TBXAS1: variants seen among roughly 807,000 people sequenced by gnomAD.
TBXAS1 encodes thromboxane-A synthase.
TBXAS1 carries 48 observed loss-of-function variants against 60.7 expected under a neutral mutation model. That is an observed-to-expected ratio of 0.79 (90% confidence interval 0.63 to 1.01). TBXAS1 has a LOEUF of 1.01. TBXAS1 is among the 50% of genes least tolerant of loss of function. TBXAS1 has a pLI of 0.00. For missense variants in TBXAS1, 685 were observed against 686.3 expected, an observed-to-expected ratio of 1.00 and a Z score of 0.02; for synonymous variants, 287 against 269.7, an observed-to-expected ratio of 1.06 and a Z score of -0.63.
chr7:139,828,753 C>A (rs1453028263), upstream of TBXAS1, among the ~76,000 whole-genome samples: 2 of 152,112 alleles, frequency 1.3e-5, no homozygotes, highest in African/African-American at 4.8e-5. Context: ...GAACACTGAC[C>A]CCAATCGGGA....
At position 139,778,556 on chromosome 7, in the gene TBXAS1, A is replaced by G. The variant is rs1264237431; in HGVS notation, c.-318+85A>G. The G allele has an allele frequency of 2.0e-5, 3 of 152,270 alleles. No homozygotes were observed. 9.4% of individuals were successfully genotyped at this position (152,270 alleles called of 1,614,324 possible). A position where few individuals can be genotyped will look rare whatever the true frequency, so the allele number is the denominator to read the frequency against. ...GTGAGTGGAGGAGCTTCGGAAAGCC[A>G]CACGAGGTCAGAGGCACCGAAGCCC... On this transcript the variant is annotated intron_variant, in intron 1 of 16. Transcript: ENST00000336425. The surrounding 1 kb of genome is among the most constrained non-coding windows in gnomAD (Gnocchi z 4.8).
At chr7:139,992,733 T>A (rs2117609139) in intron 9 of TBXAS1, among the ~76,000 whole-genome samples, 1 of 152,350 alleles carries the variant, frequency 6.6e-6, no homozygotes, top group African/African-American at 2.4e-5. Context: ...TCAGCTCGGT[T>A]CTTGGCATGG....
rs115377681 is a variant in TBXAS1 at position 139,894,313 on chromosome 7, G to A, written c.237-16912G>A. On this transcript the variant is annotated intron_variant, in intron 3 of 12. Coordinates refer to ENST00000448866, the MANE Select transcript of TBXAS1 (RefSeq NM_001061.7). ...GTTAGGAAAGTGTGCAGAAGATGGT[G>A]TGGGAGAAGGGCAGGGCATGGAGAA... Among the ~76,000 whole-genome samples the A allele has an allele frequency of 2.4e-3, 360 of 152,324 alleles. 2 individuals are homozygous for A. Among genetic ancestry groups the A allele is most frequent in the African/African-American group, 8.3e-3 (346 of 41,570 alleles).
chr7:139,912,939 TCTCAA>T, intron 4 of TBXAS1: 1 of 599,216 alleles, frequency 1.7e-6, no homozygotes, highest in Non-Finnish European at 3.0e-6. Context: ...ATGTGCCATC[TCTCAA>T]CTTAAGTCTA....
chr7:140,015,659 C>G, intron 10 of TBXAS1, 64 bp from the exon 11 acceptor site: 1 of 1,589,274 alleles, frequency 6.3e-7, no homozygotes. Flanking sequence ...GCCTGCCCAG[C>G]ACGCCCCAAG....
intron 4 of TBXAS1, among the ~76,000 whole-genome samples, chr7:139,927,308 T>A (rs910189914): frequency 6.6e-6 from 1 of 152,200 alleles, no homozygotes; most frequent in African/African-American, 2.4e-5. Flanking sequence ...ATCTATTGTA[T>A]GTTTTTAGAT....
intron 1 of TBXAS1, among the ~76,000 whole-genome samples, chr7:139,848,328 G>A (rs1799966430): frequency 6.6e-6 from 1 of 152,084 alleles, no homozygotes; most frequent in African/African-American, 2.4e-5. Flanking sequence ...ATATGTCAAA[G>A]CTGTCAGTTA....
chr7:139,875,064 C>T (rs890240072), intron 2 of TBXAS1, among the ~76,000 whole-genome samples: 10 of 152,308 alleles, frequency 6.6e-5, no homozygotes, highest in African/African-American at 2.2e-4. Context: ...CACTGCACTC[C>T]AGCCTGGGTG....
rs1313888915 is a variant in TBXAS1 at position 139,962,023 on chromosome 7, G to A, written c.924G>A (p.Gly308=). The A allele has an allele frequency of 6.2e-6, 10 of 1,614,244 alleles. No homozygotes were observed. Among genetic ancestry groups the A allele is most frequent in the Non-Finnish European group, 8.5e-6 (10 of 1,180,050 alleles). The part of the protein sequence containing the change: ...DIVRDVFSST[G]CKPNPSRQHQ... The stretch of plus-strand genomic sequence containing the variant: ...TCAGAGACGTTTTCTCCTCTACTGG[G>A]TGCAAGCCGAACCCTTCCCGGCAAC... Residue 308 remains glycine (G), a synonymous_variant, in exon 9 of 13, where the codon GGG becomes GGA. Coordinates refer to ENST00000448866, the MANE Select transcript of TBXAS1 (RefSeq NM_001061.7).
At chr7:139,808,126 G>A (rs141919745) in intron 4 of TBXAS1, among the ~76,000 whole-genome samples, 1,865 of 151,540 alleles carry the variant, frequency 0.012, 30 homozygotes, top group African/African-American at 0.042. Context: ...GAGCCCAGGA[G>A]ATTGAGACCA....
At chr7:139,867,286 G>T (rs1035991384) in intron 1 of TBXAS1, among the ~76,000 whole-genome samples, 1 of 152,160 alleles carries the variant, frequency 6.6e-6, no homozygotes, top group Admixed American at 6.5e-5. Flanking sequence ...CACCAAGTAG[G>T]AATTCTTTGG....
intron 10 of TBXAS1, among the ~76,000 whole-genome samples, chr7:140,008,400 C>T (rs980635808): frequency 2.4e-4 from 37 of 151,856 alleles, no homozygotes; most frequent in African/African-American, 8.9e-4. Flanking sequence ...CTTCCCTGAT[C>T]TCCTTTGGAG....
rs780184698 is a variant in TBXAS1, at chr7:139,975,717, C to T, written c.1134+13484C>T. Among the ~76,000 whole-genome samples, 27 of 152,190 alleles carry T rather than the reference C, an allele frequency of 1.8e-4. No individual in the cohort carries two copies. The highest frequency in any genetic ancestry group is 6.2e-4 in the South Asian group (3 of 4,828). On this transcript the variant is annotated intron_variant, in intron 9 of 12. Transcript: ENST00000448866. The surrounding 1 kb of genome is among the most constrained non-coding windows in gnomAD (Gnocchi z 4.4). ...AGCCCTGAGGATAATAAGTTTCCCT[C>T]GAAGGTCCTGGGTTTGTTGGAGCTT...
chr7:139,839,794 T>C (rs1448630818), intron 1 of TBXAS1, among the ~76,000 whole-genome samples: 1 of 151,238 alleles, frequency 6.6e-6, no homozygotes, highest in Non-Finnish European at 1.5e-5. Flanking sequence ...AGGTTGAGGA[T>C]ACAATGAGCT....
intron 3 of TBXAS1, among the ~76,000 whole-genome samples, chr7:139,876,524 C>T (rs1038918022): frequency 6.6e-6 from 1 of 152,018 alleles, no homozygotes; most frequent in Non-Finnish European, 1.5e-5. Context: ...CCTGTGTTGC[C>T]GACGTACATT....
chr7:139,982,589 T>G (rs1484745192), intron 9 of TBXAS1, among the ~76,000 whole-genome samples: 2 of 152,220 alleles, frequency 1.3e-5, no homozygotes, highest in Non-Finnish European at 2.9e-5. Context: ...CACACATCCC[T>G]TATAAATGGA....
rs114007091 is a variant in TBXAS1, at chr7:139,986,473, G to A, written c.1135-20618G>A. On this transcript the variant is annotated intron_variant, in intron 9 of 12. Coordinates refer to ENST00000448866, the MANE Select transcript of TBXAS1 (RefSeq NM_001061.7). ...TTTTGGTGCACCCATCACCCAAGCA[G>A]TATATAATGAACCCAATTTATAGTC... 2.8e-3 allele frequency among the ~76,000 whole-genome samples: 426 copies of A among 152,024 alleles called. 2 individuals are homozygous for A. Among genetic ancestry groups the A allele is most frequent in the African/African-American group, 9.9e-3 (410 of 41,438 alleles).
chr7:139,804,309 A>C (rs907804708), intron 4 of TBXAS1, among the ~76,000 whole-genome samples: 1 of 152,184 alleles, frequency 6.6e-6, no homozygotes, highest in African/African-American at 2.4e-5. Context: ...TTTTATGGCC[A>C]ATTTCTCCCA....
intron 9 of TBXAS1, among the ~76,000 whole-genome samples, chr7:139,991,585 C>CT (rs1438317592): frequency 5.9e-5 from 9 of 152,250 alleles, no homozygotes; most frequent in Non-Finnish European, 8.8e-5. Context: ...AGATGAAATT[C>CT]TTATTAGAAA....
Sources: allele counts gnomAD v4.1 joint callset (sites outside exome capture counted in the v4.1 genomes callset), GRCh38; gene constraint gnomAD v4.1.1; non-coding constraint Gnocchi (gnomAD v3.1); transcripts MANE v1.5; gene names NCBI Gene and HGNC (gene_info 2026-07-23, HGNC 2026-07-21).